Variants in CCDC102B observed in about 807,000 individuals in gnomAD.
CCDC102B encodes coiled-coil domain-containing protein 102B.
Under a neutral mutation model 57.4 loss-of-function variants are expected in CCDC102B, and 75 were observed. The observed-to-expected ratio is 1.31, with a 90% CI of 1.08 to 1.58. The LOEUF (loss-of-function observed/expected upper bound fraction) is 1.58. Among genes scored for constraint, CCDC102B ranks in the 40% most tolerant of loss-of-function variants. The pLI, the probability that CCDC102B is intolerant of heterozygous loss-of-function variation, is 0.00. For synonymous variants in CCDC102B, 206 were observed against 201.9 expected (o/e 1.02, Z -0.17); for missense variants, 636 against 582.6 (o/e 1.09, Z -0.94).
chr18:69,018,898 C>A (rs1444326742), intron 7 of CCDC102B, among the ~76,000 whole-genome samples: 1 of 151,988 alleles, frequency 6.6e-6, no homozygotes, highest in East Asian at 1.9e-4. Context: ...AATTTCAGAT[C>A]TCATTTCTAA....
rs919516156 is a variant in CCDC102B at position 68,841,076 on chromosome 18, A to G, written c.827+2150A>G. 9.8e-5 allele frequency among the ~76,000 whole-genome samples: 15 copies of G among 152,330 alleles called. No homozygotes were observed. In the East Asian group the frequency reaches 1.7e-3, roughly 18 times the overall value. On this transcript the variant is annotated intron_variant, in intron 3 of 7. Coordinates refer to ENST00000360242, the MANE Select transcript of CCDC102B (RefSeq NM_024781.3). ...GAATCAACATTTGCATGCAATCCGCATGAGGCAATCAGTCTTTTTTTCTAT... is the reference window on the plus strand; with the variant it reads ...GAATCAACATTTGCATGCAATCCGCGTGAGGCAATCAGTCTTTTTTTCTAT...
At chr18:68,874,809 C>A in intron 5 of CCDC102B, 24 bp downstream of exon 5, 1 of 1,340,026 alleles carries the variant, frequency 7.5e-7, no homozygotes, top group Non-Finnish European at 1.1e-6. Flanking sequence ...TAAAGAGTAC[C>A]ATATATATTA....
chr18:68,825,801 A>G (rs1832154056), intron 1 of CCDC102B, among the ~76,000 whole-genome samples: 1 of 152,214 alleles, frequency 6.6e-6, no homozygotes, highest in African/African-American at 2.4e-5. Flanking sequence ...TCATGCAATG[A>G]ATTAAATGCA....
intron 5 of CCDC102B, among the ~76,000 whole-genome samples, chr18:68,892,442 A>G (rs566234246): frequency 5.9e-5 from 9 of 152,228 alleles, no homozygotes; most frequent in Admixed American, 1.3e-4. Flanking sequence ...CTGCTCCCAC[A>G]TGGTCTCCAG....
At chr18:69,004,179 G>T (rs182390857) in intron 6 of CCDC102B, among the ~76,000 whole-genome samples, 2 of 152,180 alleles carry the variant, frequency 1.3e-5, no homozygotes, top group East Asian at 3.9e-4. Flanking sequence ...TGACAGCCAG[G>T]GACACCAGAT....
chr18:68,773,252 C>T (rs113029953), intron 2 of CCDC102B, among the ~76,000 whole-genome samples: 225 of 151,988 alleles, frequency 1.5e-3, no homozygotes, highest in Non-Finnish European at 2.7e-3. Context: ...AATTTGCACT[C>T]CAAAAGTTAT....
chr18:68,887,404 A>G (rs967559473), intron 5 of CCDC102B, among the ~76,000 whole-genome samples: 7 of 152,216 alleles, frequency 4.6e-5, no homozygotes, highest in African/African-American at 1.4e-4. Context: ...ACAACACTCA[A>G]GTGTATACTC....
In CCDC102B at chr18:69,005,155, A is replaced by G. The variant is rs2051307052; in HGVS notation, c.1264-5779A>G. Among the ~76,000 whole-genome samples the G allele has an allele frequency of 2.0e-5, 3 of 152,192 alleles. No homozygotes were observed. In the South Asian group the frequency reaches 6.2e-4, roughly 32 times the overall value. On this transcript the variant is annotated intron_variant, in intron 6 of 7. Transcript: ENST00000360242. ...TGTGACTTCTTTAATGTATTTAAGT[A>G]GCTGCATTTGATTGTGATAACAATC...
chr18:68,733,498 ATATATATATTTT>A lies in CCDC102B; in HGVS notation c.-67+16906_-67+16917del, dbSNP rs1404098810. Among the ~76,000 whole-genome samples, 25 of 95,346 alleles carry A rather than the reference ATATATATATTTT, an allele frequency of 2.6e-4. 1 individual carries two copies. Among genetic ancestry groups the A allele is most frequent in the Non-Finnish European group, 4.8e-4 (23 of 48,068 alleles). 62.6% of individuals were successfully genotyped at this position (95,346 alleles called of 152,430 possible). A position where few individuals can be genotyped will look rare whatever the true frequency, so the allele number is the denominator to read the frequency against. ...CAACTTTATATATATATATATATAT[ATATATATATTTT>A]TTTAACTTAAGCATGCTTTAAGAAG... On this transcript the variant is annotated intron_variant, in intron 2 of 3. Transcript: ENST00000578970.
intron 6 of CCDC102B, among the ~76,000 whole-genome samples, chr18:68,938,223 A>G (rs1342262926): frequency 6.6e-6 from 1 of 152,112 alleles, no homozygotes; most frequent in Admixed American, 6.6e-5. Context: ...AAAAAAGTGT[A>G]AGGACATACA....
chr18:68,806,257 G>C (rs949449868), intron 1 of CCDC102B, among the ~76,000 whole-genome samples: 1 of 151,762 alleles, frequency 6.6e-6, no homozygotes, highest in Non-Finnish European at 1.5e-5. Context: ...ATTTTAATGG[G>C]ATGTCTCAAA....
At chr18:68,750,945 T>C (rs2033824612) in intron 2 of CCDC102B, among the ~76,000 whole-genome samples, 1 of 150,782 alleles carries the variant, frequency 6.6e-6, no homozygotes, top group East Asian at 1.9e-4. Context: ...ACTTAAAGTA[T>C]AATAATAATA....
chr18:68,806,222 A>G (rs954352695), intron 1 of CCDC102B, among the ~76,000 whole-genome samples: 1 of 152,136 alleles, frequency 6.6e-6, no homozygotes, highest in Admixed American at 6.5e-5. Flanking sequence ...ATTTTTTCCC[A>G]TGTTGTCTAA....
intron 6 of CCDC102B, among the ~76,000 whole-genome samples, chr18:68,953,065 C>A (rs913038017): frequency 6.6e-6 from 1 of 151,980 alleles, no homozygotes; most frequent in Admixed American, 6.6e-5. Context: ...TCTAAAATGG[C>A]ATTCAGCAAC....
chr18:68,930,478 G>A (rs977598206), intron 6 of CCDC102B, among the ~76,000 whole-genome samples: 1 of 151,844 alleles, frequency 6.6e-6, no homozygotes, highest in African/African-American at 2.4e-5. Flanking sequence ...ATGATGTGTG[G>A]ATGGACACAA....
chr18:68,901,452 A>C (rs944444281), intron 6 of CCDC102B, among the ~76,000 whole-genome samples: 2 of 152,178 alleles, frequency 1.3e-5, no homozygotes, highest in African/African-American at 4.8e-5. Flanking sequence ...TAGGAGGTAC[A>C]TGCAGGGGTC....
intron 2 of CCDC102B, among the ~76,000 whole-genome samples, chr18:68,738,456 T>C (rs1043425419): frequency 1.3e-5 from 2 of 152,162 alleles, no homozygotes; most frequent in Non-Finnish European, 2.9e-5. Context: ...GGATCTGATA[T>C]AATCATTTCC....
chr18:68,856,973 C>A (rs2144856867), intron 4 of CCDC102B, among the ~76,000 whole-genome samples: 1 of 141,176 alleles, frequency 7.1e-6, no homozygotes, highest in Non-Finnish European at 1.5e-5. Flanking sequence ...CACACATATA[C>A]AGTATATATA....
At chr18:69,044,329 C>T (rs1278110332) in intron 7 of CCDC102B, among the ~76,000 whole-genome samples, 2 of 152,138 alleles carry the variant, frequency 1.3e-5, no homozygotes, top group Non-Finnish European at 2.9e-5. Context: ...AACTTTGGTT[C>T]TTAACCGCAG....
Sources: allele counts gnomAD v4.1 joint callset (sites outside exome capture counted in the v4.1 genomes callset), GRCh38; gene constraint gnomAD v4.1.1; transcripts MANE v1.5; gene names NCBI Gene and HGNC (gene_info 2026-07-23, HGNC 2026-07-21).